The following TRPM6 variants were observed in gnomAD, a reference collection of about 807,000 sequenced individuals.
TRPM6 encodes the protein channel kinase 2.
In TRPM6, 111 loss-of-function variants were observed where a neutral mutation model predicts 247.6. That is an observed-to-expected ratio of 0.45 (90% CI 0.38 to 0.52). TRPM6 has a LOEUF of 0.52. Among genes scored for constraint, TRPM6 ranks in the 20% least tolerant of loss-of-function variants. The pLI is 0.00. For missense variants in TRPM6, 2,126 were observed against 2,421.5 expected, an observed-to-expected ratio of 0.88 and a Z score of 2.56; for synonymous variants, 892 against 853.8, an observed-to-expected ratio of 1.04 and a Z score of -0.78.
At chr9:74,828,753 C>T (rs991901376) in intron 6 of TRPM6, among the ~76,000 whole-genome samples, 1 of 151,660 alleles carries the variant, frequency 6.6e-6, no homozygotes, top group Non-Finnish European at 1.5e-5. Context: ...TTCAGCCTCC[C>T]GAGTAGCTGG....
intron 4 of TRPM6, 105 bp downstream of exon 4, chr9:74,842,061 A>C (rs952329622): frequency 6.4e-5 from 83 of 1,293,692 alleles, no homozygotes; most frequent in Non-Finnish European, 1.9e-5. Flanking sequence ...CAGTGCGCCG[A>C]GATCGTGCCA....
chr9:74,881,819 G>A (rs1424708795), intron 1 of TRPM6, among the ~76,000 whole-genome samples: 1 of 152,158 alleles, frequency 6.6e-6, no homozygotes, highest in South Asian at 2.1e-4. Flanking sequence ...TATAGCTATA[G>A]TAACCAAAAC....
In TRPM6 at chr9:74,782,785, C is replaced by T. The variant is rs1160565638; in HGVS notation, c.2988G>A (p.Lys996=). The change falls in exon 22 of 39, where the codon AAG becomes AAA. Residue 996 remains lysine, a synonymous_variant. Transcript: ENST00000360774. ...GTGGCTCTTTTGGCGAAAGGATGGCCTTGCGTGCCACTCCAAAGCTCAGCA... is the reference window on the plus strand; with the variant it reads ...GTGGCTCTTTTGGCGAAAGGATGGCTTTGCGTGCCACTCCAAAGCTCAGCA... ...IVLLSFGVAR[K]AILSPKEPPS... is the part of the protein sequence containing the mutation. 6.2e-7 allele frequency: 1 copy of T among 1,614,128 alleles called. No homozygotes were observed. Among genetic ancestry groups the T allele is most frequent in the East Asian group, 2.2e-5 (1 of 44,872 alleles).
rs2117945051 is a variant in TRPM6 at position 74,816,740 on chromosome 9, T to A, written c.1237A>T (p.Asn413Tyr). The A allele has an allele frequency of 1.2e-6, 2 of 1,614,088 alleles. No homozygotes were observed. Among genetic ancestry groups the A allele is most frequent in the East Asian group, 4.5e-5 (2 of 44,892 alleles). The part of the protein sequence containing the change: ...GTNLSASEQL[N>Y]LAMAWDRVDI... ...ACCCTGTCCCAAGCCATTGCCAGAT[T>A]TAATTGCTCTGACGCTGATAAATTT... The change falls in exon 11 of 39, where the codon AAT (asparagine) becomes TAT (tyrosine). Residue 413 changes from asparagine to tyrosine, a missense_variant. Asn to Tyr is a moderately radical substitution (Grantham distance 143). Around this residue, in one of 3 missense-constraint regions of TRPM6, gnomAD observed 1,082 missense variants for 1,307.9 expected, o/e 0.83. Coordinates refer to ENST00000360774, the MANE Select transcript of TRPM6 (RefSeq NM_017662.5).
In TRPM6 at chr9:74,837,119, T is replaced by G. The variant is rs575733025; in HGVS notation, c.544+2905A>C. On this transcript the variant is annotated intron_variant, in intron 5 of 38. Transcript: ENST00000360774. ...AACACCTATCCAAATGCTTTTCACA[T>G]AGTAGATTCTTAAGGCTTGTGGCAT... 4.6e-5 allele frequency among the ~76,000 whole-genome samples: 7 copies of G among 152,238 alleles called. No individual in the cohort carries two copies. The South Asian group carries it at 1.4e-3, about 32-fold the overall frequency.
In TRPM6 at chr9:74,887,216, G is replaced by A. The variant is rs59164510; in HGVS notation, c.33+608C>T. 0.039 allele frequency: 48,479 copies of A among 1,257,606 alleles called. 1,245 individuals are homozygous for A. Among genetic ancestry groups the A allele is most frequent in the African/African-American group, 0.11 (7,373 of 65,058 alleles). 77.9% of individuals were successfully genotyped at this position (1,257,606 alleles called of 1,614,324 possible). On this transcript the variant is annotated intron_variant, in intron 1 of 38. Transcript: ENST00000360774. Reference sequence around the variant, plus strand: ...GTTGGGGAAGGAAGCGGACTGCGGCGGGGCGGGTGTTTACCGTAACCGGCG... The same window carrying A: ...GTTGGGGAAGGAAGCGGACTGCGGCAGGGCGGGTGTTTACCGTAACCGGCG...
chr9:74,848,059 A>C (rs1276494753), intron 3 of TRPM6, among the ~76,000 whole-genome samples: 2 of 152,166 alleles, frequency 1.3e-5, no homozygotes, highest in Non-Finnish European at 2.9e-5. Flanking sequence ...TGTGGCCATA[A>C]TTTTGCAACT....
At chr9:74,850,550 T>C (rs60197285) in intron 3 of TRPM6, among the ~76,000 whole-genome samples, 1 of 151,972 alleles carries the variant, frequency 6.6e-6, no homozygotes, top group African/African-American at 2.4e-5. Flanking sequence ...TGAAACCCTG[T>C]CTCCACTAAA....
chr9:74,878,732 A>G (rs1377641600), intron 1 of TRPM6, among the ~76,000 whole-genome samples: 3 of 152,258 alleles, frequency 2.0e-5, no homozygotes, highest in Non-Finnish European at 4.4e-5. Context: ...GCAAGGAAAT[A>G]TGATACCTCC....
At chr9:74,885,143 G>GA (rs1338491602) in intron 1 of TRPM6, among the ~76,000 whole-genome samples, 4 of 152,084 alleles carry the variant, frequency 2.6e-5, no homozygotes, top group Admixed American at 6.5e-5. Context: ...GACAACTCTG[G>GA]AAAAAAACAA....
chr9:74,781,261 C>G (rs1355169564), intron 23 of TRPM6, among the ~76,000 whole-genome samples: 1 of 152,062 alleles, frequency 6.6e-6, no homozygotes, highest in African/African-American at 2.4e-5. Flanking sequence ...GAGGGCCTGG[C>G]ACAGTGGCTC....
intron 4 of TRPM6, among the ~76,000 whole-genome samples, chr9:74,841,147 A>G (rs540043820): frequency 6.6e-6 from 1 of 152,338 alleles, no homozygotes; most frequent in Admixed American, 6.5e-5. Context: ...TTTCACAAAA[A>G]CAGTCATCTC....
At chr9:74,818,489 G>T (rs1829029047) in intron 9 of TRPM6, among the ~76,000 whole-genome samples, 1 of 151,830 alleles carries the variant, frequency 6.6e-6, no homozygotes, top group Admixed American at 6.6e-5. Context: ...TTTTGGTAGA[G>T]ACAGGGTTTC....
chr9:74,724,757 G>A lies in TRPM6; in HGVS notation c.5936-11C>T, dbSNP rs756996944. The A allele has an allele frequency of 2.5e-6, 4 of 1,614,046 alleles. No individual in the cohort carries two copies. The South Asian group carries it at 3.3e-5, about 13-fold the overall frequency. ...CATTTCTTTTTAAATCTGCAAGGAG[G>A]ACAAGTAAAAAGGTTATAGTGGAAC... On this transcript the variant is annotated splice_polypyrimidine_tract_variant and intron_variant, in intron 38 of 38. Coordinates refer to ENST00000360774, the MANE Select transcript of TRPM6 (RefSeq NM_017662.5).
rs1463242499 is a variant in TRPM6 at position 74,761,828 on chromosome 9, A to C, written c.4673-20T>G. On this transcript the variant is annotated intron_variant, in intron 26 of 38. Coordinates refer to ENST00000360774, the MANE Select transcript of TRPM6 (RefSeq NM_017662.5). ...AAAGATCTGCAAGGAAATGGTCTACATGAGAAAGTTGACAACAGTAAGTGG... is the reference window on the plus strand; with the variant it reads ...AAAGATCTGCAAGGAAATGGTCTACCTGAGAAAGTTGACAACAGTAAGTGG... 1 of 1,584,236 alleles carries C rather than the reference A, an allele frequency of 6.3e-7. No homozygotes were observed. The highest frequency in any genetic ancestry group is 8.7e-7 in the Non-Finnish European group (1 of 1,152,930).
intron 11 of TRPM6, among the ~76,000 whole-genome samples, chr9:74,815,169 T>C (rs1418630221): frequency 6.6e-6 from 1 of 151,826 alleles, no homozygotes; most frequent in Admixed American, 6.6e-5. Flanking sequence ...AAACATATGA[T>C]TGCCAAGTTG....
chr9:74,750,353 C>A (rs1359911576), intron 30 of TRPM6, among the ~76,000 whole-genome samples: 1 of 152,182 alleles, frequency 6.6e-6, no homozygotes, highest in East Asian at 1.9e-4. Flanking sequence ...AATTCACAAT[C>A]TTATCTATCC....
chr9:74,762,632 C>G lies in TRPM6; in HGVS notation c.4039G>C (p.Val1347Leu). The change falls in exon 26 of 39, where the codon GTC becomes CTC. Residue 1347 changes from valine to leucine, a missense_variant. Val to Leu is a conservative substitution (Grantham distance 32, BLOSUM62 1). Coordinates refer to ENST00000360774, the MANE Select transcript of TRPM6 (RefSeq NM_017662.5). ...AHSKYGQFLL[V>L]PSNLKRVPFS... Reference sequence around the variant, plus strand: ...GGAACTCGCTTTAGATTAGAGGGGACCAGAAGAAACTGGCCATACTTTGAG... The same window carrying G: ...GGAACTCGCTTTAGATTAGAGGGGAGCAGAAGAAACTGGCCATACTTTGAG... 1 of 1,614,122 alleles carries G rather than the reference C, an allele frequency of 6.2e-7. No homozygotes were observed. The highest frequency in any genetic ancestry group is 8.5e-7 in the Non-Finnish European group (1 of 1,180,016).
intron 36 of TRPM6, among the ~76,000 whole-genome samples, chr9:74,734,677 A>G (rs551614140): frequency 6.6e-6 from 1 of 152,300 alleles, no homozygotes; most frequent in South Asian, 2.1e-4. Context: ...TTTTTCTCCT[A>G]TCAAGAACTT....
Sources: allele counts gnomAD v4.1 joint callset (sites outside exome capture counted in the v4.1 genomes callset), GRCh38; gene constraint gnomAD v4.1.1; regional missense constraint gnomAD v4.1.1; transcripts MANE v1.5; gene names NCBI Gene and HGNC (gene_info 2026-07-23, HGNC 2026-07-21).